RTF1: variants seen among roughly 807,000 people sequenced by gnomAD.
RTF1 encodes the protein RTF1 homolog, Paf1/RNA polymerase II complex component, also known as RNA polymerase-associated protein RTF1 homolog.
A neutral mutation model predicts 95.7 loss-of-function variants in RTF1; 10 were observed. That is an observed-to-expected ratio of 0.10 (90% confidence interval 0.06 to 0.18). The LOEUF is 0.18. Ranked by LOEUF, RTF1 falls within the 10% of genes least tolerant of loss-of-function variation. RTF1 has a pLI of 1.00. For synonymous variants in RTF1, 305 were observed against 311.8 expected (o/e 0.98, Z 0.23); for missense variants, 458 against 875.6 (o/e 0.52, Z 6.02).
At chr15:41,476,636 C>T in intron 12 of RTF1, 113 bp downstream of exon 12, 2 of 933,636 alleles carry the variant, frequency 2.1e-6, no homozygotes, top group Non-Finnish European at 3.4e-6. Context: ...ATTCTGGGCT[C>T]GATTATAAGC....
chr15:41,449,227 A>ATTTTTTTTTTTTTTTTTTTTTT (rs34660598), intron 2 of RTF1, among the ~76,000 whole-genome samples: 4 of 109,314 alleles, frequency 3.7e-5, no homozygotes, highest in African/African-American at 1.1e-4. Context: ...AGGCAGGTGA[A>ATTTTTTTTTTTTTTTTTTTTTT]TTTTTTTTTT....
chr15:41,431,999 C>G (rs2050677350), intron 1 of RTF1, among the ~76,000 whole-genome samples: 1 of 151,668 alleles, frequency 6.6e-6, no homozygotes, highest in Non-Finnish European at 1.5e-5. Flanking sequence ...CGTGGTTTCA[C>G]CATGCTGGCC....
Position 41,453,014 on chromosome 15 carries a change from A to G in RTF1, c.423A>G (p.Lys141=). The G allele has an allele frequency of 6.2e-7, 1 of 1,610,174 alleles. No homozygotes were observed. Among genetic ancestry groups the G allele is most frequent in the Non-Finnish European group, 8.5e-7 (1 of 1,179,052 alleles). The part of the protein sequence containing the change: ...NKTASSGSSD[K]DSSAESSAPE... ...CTGCCTCCTCAGGCAGTTCAGACAA[A>G]GACAGTTCAGCTGAGAGCTCAGCCC... Residue 141 remains lysine (K), a synonymous_variant, in exon 3 of 18, where the codon AAA becomes AAG. Transcript: ENST00000389629.
Position 41,482,433 on chromosome 15 carries a change from C to A in RTF1, c.*1746C>A, listed in dbSNP as rs1407064225. ...CCTGCTTTCGTACAAGGAAGGGGGA[C>A]GATGGGAAATCATGGACTTGTAAGT... is the stretch of plus-strand genomic sequence containing the variant. On this transcript the variant is annotated 3_prime_UTR_variant, in exon 18 of 18. Transcript: ENST00000389629. The A allele has an allele frequency of 6.6e-6, 1 of 152,440 alleles. No homozygotes were observed. Among genetic ancestry groups the A allele is most frequent in the Admixed American group, 6.5e-5 (1 of 15,268 alleles). 9.4% of individuals were successfully genotyped at this position (152,440 alleles called of 1,614,324 possible).
chr15:41,427,417 C>G (rs1394402201), intron 1 of RTF1, among the ~76,000 whole-genome samples: 3 of 152,150 alleles, frequency 2.0e-5, no homozygotes, highest in South Asian at 4.1e-4. Context: ...TCCCAAAGTG[C>G]TGGGATTACA....
chr15:41,445,734 A>AT (rs66494134), intron 2 of RTF1, among the ~76,000 whole-genome samples: 6,258 of 132,016 alleles, frequency 0.047, 164 homozygotes, highest in Non-Finnish European at 0.06. Flanking sequence ...TCCTGACCCC[A>AT]TTTTTTTTTT....
rs534175575 is a variant in RTF1 at position 41,481,067 on chromosome 15, C to T, written c.*380C>T. ...CTGGGGCAATAGCAGCAGCACCAGG[C>T]GGTCTCCTCTACAGACTGCCTTGGC... On this transcript the variant is annotated 3_prime_UTR_variant, in exon 18 of 18. Coordinates refer to ENST00000389629, the MANE Select transcript of RTF1 (RefSeq NM_015138.5). 3.9e-5 allele frequency: 8 copies of T among 204,336 alleles called. No individual in the cohort carries two copies. Among genetic ancestry groups the T allele is most frequent in the Non-Finnish European group, 7.2e-5 (7 of 97,570 alleles). The allele number at this position is 204,336 out of a possible 1,614,324, so 12.7% of individuals were successfully genotyped here.
At chr15:41,426,451 G>A (rs1170256846) in intron 1 of RTF1, among the ~76,000 whole-genome samples, 6 of 151,554 alleles carry the variant, frequency 4.0e-5, no homozygotes, top group African/African-American at 7.3e-5. Context: ...GACTACAGGC[G>A]TGCGCCACCA....
rs1472718303 is a variant in RTF1 at position 41,483,319 on chromosome 15, C to G, written c.*2632C>G. The stretch of plus-strand genomic sequence containing the variant: ...AGTGTGGTTTCAGTGTTGAAGGGTG[C>G]AGCACCCAAGGTTGTTTTTATGCAT... On this transcript the variant is annotated 3_prime_UTR_variant, in exon 18 of 18. Transcript: ENST00000389629. 6.6e-6 allele frequency: 1 copy of G among 152,600 alleles called. No homozygotes were observed. Among genetic ancestry groups the G allele is most frequent in the Non-Finnish European group, 1.5e-5 (1 of 68,020 alleles). The allele number at this position is 152,600 out of a possible 1,614,324, so 9.5% of individuals were successfully genotyped here. A position where few individuals can be genotyped will look rare whatever the true frequency, so the allele number is the denominator to read the frequency against.
intron 2 of RTF1, among the ~76,000 whole-genome samples, chr15:41,449,397 A>AT (rs1595432431): frequency 6.6e-6 from 1 of 151,764 alleles, no homozygotes; most frequent in Non-Finnish European, 1.5e-5. Context: ...TGCCCGGCTA[A>AT]TTTTTTTGCA....
chr15:41,467,337 G>C (rs1442398258), intron 6 of RTF1, among the ~76,000 whole-genome samples: 1 of 152,270 alleles, frequency 6.6e-6, no homozygotes, highest in African/African-American at 2.4e-5. Context: ...CTTGGAATTG[G>C]CATAGTGTCA....
chr15:41,472,231 A>T (rs1443475736), intron 8 of RTF1, among the ~76,000 whole-genome samples: 1 of 121,862 alleles, frequency 8.2e-6, no homozygotes, highest in Admixed American at 8.7e-5. Context: ...TTTCAGACAG[A>T]GTTTCGCTTT....
intron 1 of RTF1, among the ~76,000 whole-genome samples, chr15:41,435,151 A>G (rs2050695452): frequency 2.0e-5 from 3 of 152,050 alleles, no homozygotes. Context: ...AATCTTTGTT[A>G]TAATCAATTG....
chr15:41,478,442 T>A, intron 14 of RTF1, 106 bp from the exon 15 acceptor site: 1 of 253,944 alleles, frequency 3.9e-6, no homozygotes, highest in South Asian at 7.1e-5. Flanking sequence ...GGATAATAGC[T>A]TTTTTTTTTT....
At chr15:41,433,153 C>T (rs2050684099) in intron 1 of RTF1, among the ~76,000 whole-genome samples, 1 of 151,836 alleles carries the variant, frequency 6.6e-6, no homozygotes, top group Admixed American at 6.6e-5. Flanking sequence ...GAGGCTGAGG[C>T]AGGAGAATCA....
At chr15:41,463,364 G>A (rs145167870) in intron 4 of RTF1, among the ~76,000 whole-genome samples, 54 of 152,170 alleles carry the variant, frequency 3.5e-4, no homozygotes, top group African/African-American at 1.3e-3. Context: ...TGGCTGGTAC[G>A]GTAACTCTTT....
chr15:41,470,869 G>A (rs866541796), intron 7 of RTF1, among the ~76,000 whole-genome samples: 7 of 151,774 alleles, frequency 4.6e-5, no homozygotes, highest in East Asian at 3.9e-4. Flanking sequence ...TGTTTTAGCC[G>A]GGATGGTCTC....
intron 1 of RTF1, among the ~76,000 whole-genome samples, chr15:41,418,119 G>A (rs1372070593): frequency 6.6e-6 from 1 of 152,198 alleles, no homozygotes; most frequent in Non-Finnish European, 1.5e-5. Context: ...GTGTCTTGGG[G>A]TTGAACTGTT....
chr15:41,417,199 T>C lies in RTF1; in HGVS notation c.84T>C (p.Ser28=). ...CACTGGCAGGCGGGCAAGAGGGGAG[T>C]CCGGGCGGCGGCCGGCGTGGGAGCC... The part of the protein sequence containing the change: ...AVPLAGGQEG[S]PGGGRRGSRG... Residue 28 remains serine (S), a synonymous_variant, in exon 1 of 18, where the codon AGT becomes AGC. Transcript: ENST00000389629. 7.9e-7 allele frequency: 1 copy of C among 1,259,194 alleles called. No homozygotes were observed. The highest frequency in any genetic ancestry group is 1.0e-6 in the Non-Finnish European group (1 of 997,816). The allele number at this position is 1,259,194 out of a possible 1,614,324, so 78.0% of individuals were successfully genotyped here. A position where few individuals can be genotyped will look rare whatever the true frequency, so the allele number is the denominator to read the frequency against.
Sources: allele counts gnomAD v4.1 joint callset (sites outside exome capture counted in the v4.1 genomes callset), GRCh38; gene constraint gnomAD v4.1.1; transcripts MANE v1.5; gene names NCBI Gene and HGNC (gene_info 2026-07-23, HGNC 2026-07-21).